TENT4B: variants seen among roughly 807,000 people sequenced by gnomAD.
The protein encoded by TENT4B is terminal nucleotidyltransferase 4B, also known as PAP associated domain containing 5.
In TENT4B, 10 loss-of-function variants were observed where a neutral mutation model predicts 75.0. The ratio of observed to expected loss-of-function variants is 0.13; its 90% CI spans 0.08 to 0.23. The LOEUF is 0.23. Among genes scored for constraint, TENT4B ranks in the 10% least tolerant of loss-of-function variants. The pLI is 1.00. For synonymous variants in TENT4B, 350 were observed against 357.7 expected (o/e 0.98, Z 0.24); for missense variants, 579 against 893.8 (o/e 0.65, Z 4.49).
In TENT4B at chr16:50,231,731, A is replaced by G. The variant is rs1463112361; in HGVS notation, c.*2403A>G. ...ATTGAGGTGTGTATACATTTCCTCA[A>G]ATGACCAGCATTGTATTCGTGAATA... On this transcript the variant is annotated 3_prime_UTR_variant, in exon 12 of 12. Transcript: ENST00000561678. 3.0e-6 allele frequency: 3 copies of G among 985,754 alleles called. No homozygotes were observed. The highest frequency in any genetic ancestry group is 3.6e-6 in the Non-Finnish European group (3 of 829,928). 61.1% of individuals were successfully genotyped at this position (985,754 alleles called of 1,614,324 possible). A position where few individuals can be genotyped will look rare whatever the true frequency, so the allele number is the denominator to read the frequency against.
chr16:50,179,378 T>C (rs1394964550), intron 1 of TENT4B, among the ~76,000 whole-genome samples: 1 of 152,112 alleles, frequency 6.6e-6, no homozygotes, highest in Non-Finnish European at 1.5e-5. Flanking sequence ...AAATTTTTTT[T>C]TTTTACTTTA....
chr16:50,152,941 G>T, upstream of TENT4B: 2 of 1,503,996 alleles, frequency 1.3e-6, no homozygotes, highest in Non-Finnish European at 1.8e-6. Flanking sequence ...TGCGGGGCGG[G>T]CGGCAACCTC....
intron 1 of TENT4B, among the ~76,000 whole-genome samples, chr16:50,201,635 G>A (rs2030656569): frequency 6.6e-6 from 1 of 152,006 alleles, no homozygotes; most frequent in African/African-American, 2.4e-5. Context: ...TTGTGGTCAG[G>A]AGTTCAAGAC....
intron 1 of TENT4B, among the ~76,000 whole-genome samples, chr16:50,182,166 CTGAGGCGGGAGGATCGCT>C (rs1386314468): frequency 3.3e-5 from 5 of 152,068 alleles, no homozygotes; most frequent in Non-Finnish European, 7.4e-5. Flanking sequence ...ACTCAGTAGG[CTGAGGCGGGAGGATCGCT>C]TGAGCCTGGG....
chr16:50,155,425 C>G (rs1307524337), intron 1 of TENT4B, among the ~76,000 whole-genome samples: 2 of 152,004 alleles, frequency 1.3e-5, no homozygotes, highest in African/African-American at 4.8e-5. Context: ...CCATGTGAAC[C>G]TTTTCCTGGA....
intron 5 of TENT4B, among the ~76,000 whole-genome samples, chr16:50,219,607 T>G (rs1041040695): frequency 3.9e-5 from 6 of 152,338 alleles, no homozygotes; most frequent in Non-Finnish European, 7.3e-5. Context: ...GAAGGGTATA[T>G]CCAGATAAAA....
chr16:50,166,780 A>ATTTTTTTTTTT (rs57856238), intron 1 of TENT4B, among the ~76,000 whole-genome samples: 1 of 115,280 alleles, frequency 8.7e-6, no homozygotes, highest in African/African-American at 3.1e-5. Context: ...TGCCTGGCTA[A>ATTTTTTTTTTT]TTTTTTTTTT....
intron 1 of TENT4B, among the ~76,000 whole-genome samples, chr16:50,173,523 C>T (rs908649089): frequency 1.3e-5 from 2 of 152,166 alleles, no homozygotes; most frequent in African/African-American, 4.8e-5. Flanking sequence ...TGCATTCCCA[C>T]CAGCAATGAA....
chr16:50,160,514 C>T (rs1352667892), intron 1 of TENT4B, among the ~76,000 whole-genome samples: 1 of 152,160 alleles, frequency 6.6e-6, no homozygotes, highest in Non-Finnish European at 1.5e-5. Flanking sequence ...CTGATCCTGG[C>T]ATGCCAGATG....
chr16:50,216,720 A>G (rs190160938), intron 4 of TENT4B, among the ~76,000 whole-genome samples: 3 of 152,094 alleles, frequency 2.0e-5, no homozygotes, highest in African/African-American at 4.8e-5. Context: ...CAGTCTCACT[A>G]TGTTGCCCAG....
chr16:50,189,640 A>G (rs993780163), intron 1 of TENT4B, among the ~76,000 whole-genome samples: 3 of 150,630 alleles, frequency 2.0e-5, no homozygotes, highest in Non-Finnish European at 2.9e-5. Flanking sequence ...TCTTCTGTGC[A>G]TAACATGAAG....
intron 1 of TENT4B, among the ~76,000 whole-genome samples, chr16:50,204,543 G>C (rs2030839985): frequency 6.6e-6 from 1 of 152,074 alleles, no homozygotes; most frequent in Non-Finnish European, 1.5e-5. Flanking sequence ...TATAGGAGGA[G>C]GCTGGATGTG....
intron 1 of TENT4B, among the ~76,000 whole-genome samples, chr16:50,165,292 G>GT (rs969479396): frequency 1.4e-4 from 21 of 150,478 alleles, no homozygotes; most frequent in Non-Finnish European, 2.7e-4. Context: ...CCAGTCTTTT[G>GT]TTTTTTTACC....
intron 1 of TENT4B, among the ~76,000 whole-genome samples, chr16:50,165,572 A>G (rs984328288): frequency 1.3e-5 from 2 of 152,066 alleles, no homozygotes; most frequent in African/African-American, 4.8e-5. Flanking sequence ...TGAACCCATT[A>G]TCACTCCCCA....
At chr16:50,194,202 T>C (rs911354309) in intron 1 of TENT4B, among the ~76,000 whole-genome samples, 1 of 143,656 alleles carries the variant, frequency 7.0e-6, no homozygotes, top group East Asian at 2.1e-4. Context: ...CTGTTCTTTC[T>C]TTCTCTTTTC....
In TENT4B at chr16:50,231,152, C is replaced by T. The variant is rs1464815382; in HGVS notation, c.*1824C>T. ...TCCAAAACTGGAAACTCATAGTACT[C>T]GTGTAAACTGTGGAAGATTTCAAAT... is the stretch of plus-strand genomic sequence containing the variant. On this transcript the variant is annotated 3_prime_UTR_variant, in exon 12 of 12. Transcript: ENST00000561678. 8.1e-6 allele frequency: 8 copies of T among 985,296 alleles called. No individual in the cohort carries two copies. The highest frequency in any genetic ancestry group is 1.7e-5 in the African/African-American group (1 of 57,190). The allele number at this position is 985,296 out of a possible 1,614,324, so 61.0% of individuals were successfully genotyped here.
rs888095680 is a variant in TENT4B, at chr16:50,235,264, T to C, written c.*5936T>C. On this transcript the variant is annotated 3_prime_UTR_variant, in exon 12 of 12. Coordinates refer to ENST00000561678, the MANE Select transcript of TENT4B (RefSeq NM_001365324.3). ...TGCTTACCACTCGGTTTATTATTCA[T>C]AATCTGCAATTCAATAAAGGCTTTG... 6.5e-6 allele frequency: 1 copy of C among 154,780 alleles called. No individual in the cohort carries two copies. Among genetic ancestry groups the C allele is most frequent in the Non-Finnish European group, 1.4e-5 (1 of 70,356 alleles). 9.6% of individuals were successfully genotyped at this position (154,780 alleles called of 1,614,324 possible). A position where few individuals can be genotyped will look rare whatever the true frequency, so the allele number is the denominator to read the frequency against.
chr16:50,218,621 G>A (rs568932395), intron 5 of TENT4B, among the ~76,000 whole-genome samples: 1 of 152,118 alleles, frequency 6.6e-6, no homozygotes, highest in South Asian at 2.1e-4. Flanking sequence ...CAAAGTGCCC[G>A]GATTACAGGC....
intron 1 of TENT4B, among the ~76,000 whole-genome samples, chr16:50,186,885 T>C (rs1028728254): frequency 3.9e-5 from 6 of 152,108 alleles, no homozygotes; most frequent in Admixed American, 3.3e-4. Flanking sequence ...CTGCCAATTT[T>C]TTAATTTTTA....
Sources: gnomAD v4.1 joint callset for allele counts (sites outside exome capture counted in the v4.1 genomes callset) on GRCh38, gnomAD v4.1.1 for gene constraint, MANE v1.5 for transcripts, NCBI Gene and HGNC (gene_info 2026-07-23, HGNC 2026-07-21) for gene names.